The following GAL3ST4 variants were observed in gnomAD, a reference collection of about 807,000 sequenced individuals.
The protein encoded by GAL3ST4 is beta-galactose-3-O-sulfotransferase 4.
Under a neutral mutation model 31.6 loss-of-function variants are expected in GAL3ST4, and 30 were observed. That is an observed-to-expected ratio of 0.95 (90% CI 0.71 to 1.29). The LOEUF (loss-of-function observed/expected upper bound fraction) is 1.29. Among genes scored for constraint, GAL3ST4 ranks in the 50% most tolerant of loss-of-function variants. The probability of loss-of-function intolerance (pLI) is 0.00; values close to 1 mark genes in which losing one functional copy is unlikely to be tolerated. For missense variants in GAL3ST4, 629 were observed against 625.2 expected (o/e 1.01, Z -0.06); for synonymous variants, 248 against 256.9 (o/e 0.97, Z 0.33).
At position 100,168,129 on chromosome 7, in the gene GAL3ST4, C is replaced by G. The variant is rs995597143; in HGVS notation, c.-189+417G>C. ...TAACTGCAGAGTTCCTTCTGAAGCC[C>G]GAGCTTCCTAATCAACCGGGAGTCC... is the stretch of plus-strand genomic sequence containing the variant. On this transcript the variant is annotated intron_variant, in intron 1 of 3. Transcript: ENST00000360039. The surrounding 1 kb of genome is among the most constrained non-coding windows in gnomAD (Gnocchi z 4.1). 6.6e-6 allele frequency: 1 copy of G among 152,184 alleles called. No homozygotes were observed. Among genetic ancestry groups the G allele is most frequent in the Non-Finnish European group, 1.5e-5 (1 of 68,076 alleles). The allele number at this position is 152,184 out of a possible 1,614,324, so 9.4% of individuals were successfully genotyped here.
chr7:100,165,819 T>TCTCACACACACACA (rs769054157), intron 3 of GAL3ST4, among the ~76,000 whole-genome samples: 14 of 136,374 alleles, frequency 1.0e-4, no homozygotes, highest in East Asian at 6.7e-4. Context: ...AGACCCTGTC[T>TCTCACACACACACA]CACACACACA....
chr7:100,159,842 G>A lies in GAL3ST4; in HGVS notation c.*86C>T, dbSNP rs1798966112. ...CAAAGACTCATCCCTTCTGGGAGATGCAGAAATGGCATCTTGCTGCCCCCC... is the reference window on the plus strand; with the variant it reads ...CAAAGACTCATCCCTTCTGGGAGATACAGAAATGGCATCTTGCTGCCCCCC... On this transcript the variant is annotated 3_prime_UTR_variant, in exon 4 of 4. Coordinates refer to ENST00000360039, the MANE Select transcript of GAL3ST4 (RefSeq NM_024637.5). 5 of 1,147,040 alleles carry A rather than the reference G, an allele frequency of 4.4e-6. No homozygotes were observed. The highest frequency in any genetic ancestry group is 4.4e-5 in the Admixed American group (2 of 45,214). 71.1% of individuals were successfully genotyped at this position (1,147,040 alleles called of 1,614,324 possible).
chr7:100,166,610 G>A lies in GAL3ST4; in HGVS notation c.321C>T (p.Tyr107=). 6.2e-7 allele frequency: 1 copy of A among 1,614,230 alleles called. No homozygotes were observed. The highest frequency in any genetic ancestry group is 8.5e-7 in the Non-Finnish European group (1 of 1,180,032). ...CCCTAGAGGCCTGGAAGAGCTTTGG[G>A]TAGCCAAACTGGTAGCGGGCAGGGA... ...FALPARYQFG[Y]PKLFQASRVK... Residue 107 remains tyrosine (Y), a synonymous_variant, in exon 3 of 4, where the codon TAC becomes TAT. Coordinates refer to ENST00000360039, the MANE Select transcript of GAL3ST4 (RefSeq NM_024637.5).
At position 100,166,667 on chromosome 7, in the gene GAL3ST4, G is replaced by T; in HGVS notation, c.264C>A (p.Arg88=). The T allele has an allele frequency of 6.2e-7, 1 of 1,614,234 alleles. No homozygotes were observed. Among genetic ancestry groups the T allele is most frequent in the Non-Finnish European group, 8.5e-7 (1 of 1,180,050 alleles). The change falls in exon 3 of 4, where the codon CGC becomes CGA. Residue 88 remains arginine, a synonymous_variant. Coordinates refer to ENST00000360039, the MANE Select transcript of GAL3ST4 (RefSeq NM_024637.5). Reference sequence around the variant, plus strand: ...AGCGCAGCCCGTGCTGGTCCCCATAGCGGTGAAGCAGGCTCAGCACAGAGC... The same window carrying T: ...AGCGCAGCCCGTGCTGGTCCCCATATCGGTGAAGCAGGCTCAGCACAGAGC... ...GSSSVLSLLH[R]YGDQHGLRFA...
Position 100,167,299 on chromosome 7 carries a change from G to GC in GAL3ST4, c.-188-17_-188-16insG. On this transcript the variant is annotated splice_polypyrimidine_tract_variant and intron_variant, in intron 1 of 3. Coordinates refer to ENST00000360039, the MANE Select transcript of GAL3ST4 (RefSeq NM_024637.5). The stretch of plus-strand genomic sequence containing the variant: ...CTGTCAGCGTCTAGAAGGGAAATGA[G>GC]GGGGGAAGAAGGGAAGTCTAAGGAG... The GC allele has an allele frequency of 7.6e-7, 1 of 1,308,526 alleles. No individual in the cohort carries two copies. The highest frequency in any genetic ancestry group is 1.0e-6 in the Non-Finnish European group (1 of 979,602). The allele number at this position is 1,308,526 out of a possible 1,614,324, so 81.1% of individuals were successfully genotyped here.
At chr7:100,162,751 G>C (rs942269703) in intron 3 of GAL3ST4, among the ~76,000 whole-genome samples, 10 of 151,128 alleles carry the variant, frequency 6.6e-5, no homozygotes, top group Non-Finnish European at 1.5e-4. Flanking sequence ...AGGTTGACAG[G>C]TGCAGCAAAC....
intron 3 of GAL3ST4, 87 bp downstream of exon 3, chr7:100,166,415 A>G: frequency 1.3e-5 from 18 of 1,361,876 alleles, no homozygotes; most frequent in Non-Finnish European, 1.8e-5. Flanking sequence ...ATGCCTGGGG[A>G]GCCCCCAGGT....
Position 100,160,458 on chromosome 7 carries a change from A to G in GAL3ST4, c.931T>C (p.Leu311=), listed in dbSNP as rs369455454. The G allele has an allele frequency of 8.9e-5, 144 of 1,614,038 alleles. No individual in the cohort carries two copies. The highest frequency in any genetic ancestry group is 1.1e-4 in the Non-Finnish European group (134 of 1,180,044). Residue 311 remains leucine, a synonymous_variant, in exon 4 of 4, where the codon TTG becomes CTG. Coordinates refer to ENST00000360039, the MANE Select transcript of GAL3ST4 (RefSeq NM_024637.5). ...CACAGGGCATCTGCCAGCAGAACCA[A>G]TGACTCATCGAAGTACTCAGCCACC... The part of the protein sequence containing the change: ...VMVAEYFDES[L]VLLADALCWG...
At position 100,166,423 on chromosome 7, in the gene GAL3ST4, G is replaced by C. The variant is rs1413721472; in HGVS notation, c.429+79C>G. The C allele has an allele frequency of 1.6e-5, 23 of 1,456,802 alleles. No individual in the cohort carries two copies. In the African/African-American group the frequency reaches 3.2e-4, roughly 21 times the overall value. 90.2% of individuals were successfully genotyped at this position (1,456,802 alleles called of 1,614,324 possible). ...TGAGATGATGCCTGGGGAGCCCCCA[G>C]GTCTGGGCCCCCTCCCTTGGTGGTG... is the stretch of plus-strand genomic sequence containing the variant. On this transcript the variant is annotated intron_variant, in intron 3 of 3. Transcript: ENST00000360039.
rs775455279 is a variant in GAL3ST4 at position 100,160,722 on chromosome 7, T to A, written c.667A>T (p.Arg223Trp). The change falls in exon 4 of 4, where the codon AGG becomes TGG. Residue 223 changes from arginine (R) to tryptophan (W), a missense_variant. Transcript: ENST00000360039. The stretch of plus-strand genomic sequence containing the variant: ...GGATGAATATTCCCTCTCTTGGCCC[T>A]CTTCTCTGGGGGAAAGGGCAGGCCA... ...DFGLPFPPEK[R>W]AKRGNIHPPR... The A allele has an allele frequency of 8.6e-5, 138 of 1,613,858 alleles. No homozygotes were observed. Among genetic ancestry groups the A allele is most frequent in the South Asian group, 2.4e-4 (22 of 91,076 alleles).
chr7:100,165,075 T>C (rs1375074877), intron 3 of GAL3ST4, among the ~76,000 whole-genome samples: 1 of 151,844 alleles, frequency 6.6e-6, no homozygotes, highest in African/African-American at 2.4e-5. Context: ...GGGGTTTCAC[T>C]GTGTTAGCCA....
intron 3 of GAL3ST4, among the ~76,000 whole-genome samples, chr7:100,161,906 GA>G (rs1319920937): frequency 6.6e-6 from 1 of 151,974 alleles, no homozygotes; most frequent in Non-Finnish European, 1.5e-5. Context: ...AAGTAAGTGG[GA>G]GTTGAACAGT....
At chr7:100,163,046 G>A (rs1799026866) in intron 3 of GAL3ST4, among the ~76,000 whole-genome samples, 2 of 152,184 alleles carry the variant, frequency 1.3e-5, no homozygotes, top group Admixed American at 1.3e-4. Context: ...CCTGTTGAGT[G>A]CCTGGGAGGG....
rs1798969877 is a variant in GAL3ST4, at chr7:100,160,013, A to C, written c.1376T>G (p.Leu459Arg). 1 of 1,613,760 alleles carries C rather than the reference A, an allele frequency of 6.2e-7. No individual in the cohort carries two copies. Residue 459 changes from leucine (L) to arginine (R), a missense_variant, in exon 4 of 4, where the codon CTC becomes CGC. By Grantham distance (102) the Leu-to-Arg change is moderately radical. Transcript: ENST00000360039. ...GGCATCCAGCTTGTCCTTGTACTGGAGCTCAGGGGTAGCTAGGCGCTCACA... is the reference window on the plus strand; with the variant it reads ...GGCATCCAGCTTGTCCTTGTACTGGCGCTCAGGGGTAGCTAGGCGCTCACA... ...EECERLATPE[L>R]QYKDKLDAKQ...
intron 3 of GAL3ST4, 50 bp downstream of exon 3, chr7:100,166,452 G>A: frequency 6.4e-7 from 1 of 1,555,154 alleles, no homozygotes; most frequent in Non-Finnish European, 8.7e-7. Context: ...GGTGGTGTCA[G>A]CCTGAGCCCA....
At chr7:100,161,633 A>G (rs1334437620) in intron 3 of GAL3ST4, among the ~76,000 whole-genome samples, 1 of 150,352 alleles carries the variant, frequency 6.7e-6, no homozygotes, top group Non-Finnish European at 1.5e-5. Context: ...AGCCTGGCCA[A>G]CAGAGCAAGA....
At position 100,160,403 on chromosome 7, in the gene GAL3ST4, A is replaced by G. The variant is rs980290295; in HGVS notation, c.986T>C (p.Met329Thr). Residue 329 changes from methionine (M) to threonine (T), a missense_variant, in exon 4 of 4, where the codon ATG becomes ACG. Transcript: ENST00000360039. Reference sequence around the variant, plus strand: ...CTTATGTCCAGCCTGGGCATTGTGCATGAAGCCCACCACGTCATCTAGACC... The same window carrying G: ...CTTATGTCCAGCCTGGGCATTGTGCGTGAAGCCCACCACGTCATCTAGACC... ...CWGLDDVVGF[M>T]HNAQAGHKQG... 2.5e-6 allele frequency: 4 copies of G among 1,614,090 alleles called. No individual in the cohort carries two copies. Among genetic ancestry groups the G allele is most frequent in the Non-Finnish European group, 3.4e-6 (4 of 1,180,046 alleles).
In GAL3ST4 at chr7:100,159,738, G is replaced by C. The variant is rs540623522; in HGVS notation, c.*190C>G. Reference sequence around the variant, plus strand: ...CCGTTTCAAAAAAAAAAAAAGTTGGGGGGAAAGAACAAAATGAGTGGAGGG... The same window carrying C: ...CCGTTTCAAAAAAAAAAAAAGTTGGCGGGAAAGAACAAAATGAGTGGAGGG... On this transcript the variant is annotated 3_prime_UTR_variant, in exon 4 of 4. Transcript: ENST00000360039. 1.8e-6 allele frequency: 1 copy of C among 559,672 alleles called. No individual in the cohort carries two copies. Among genetic ancestry groups the C allele is most frequent in the South Asian group, 2.5e-5 (1 of 39,322 alleles). The allele number at this position is 559,672 out of a possible 1,614,324, so 34.7% of individuals were successfully genotyped here. A position where few individuals can be genotyped will look rare whatever the true frequency, so the allele number is the denominator to read the frequency against.
chr7:100,160,196 G>A lies in GAL3ST4; in HGVS notation c.1193C>T (p.Ala398Val). Residue 398 changes from alanine to valine, a missense_variant, in exon 4 of 4, where the codon GCT becomes GTT. Ala to Val is a moderately conservative substitution (Grantham distance 64). Transcript: ENST00000360039. ...RLQTAVAELR[A>V]RREALAKHCL... ...ATGTTTCGCTAGGGCCTCTCGGCGA[G>A]CCCGGAGCTCGGCCACAGCTGTCTG... The A allele has an allele frequency of 6.2e-7, 1 of 1,614,148 alleles. No homozygotes were observed.
Sources: gnomAD v4.1 joint callset for allele counts (sites outside exome capture counted in the v4.1 genomes callset) on GRCh38, gnomAD v4.1.1 for gene constraint, Gnocchi (gnomAD v3.1) non-coding constraint, MANE v1.5 for transcripts, NCBI Gene and HGNC (gene_info 2026-07-23, HGNC 2026-07-21) for gene names.